NLGN4X: variants seen among roughly 807,000 people sequenced by gnomAD.
The protein encoded by NLGN4X is neuroligin 4 X-linked, also known as neuroligin-4, X-linked.
NLGN4X carries 3 observed loss-of-function variants against 40.3 expected under a neutral mutation model. The observed-to-expected ratio is 0.07, with a 90% CI of 0.03 to 0.19. The LOEUF (loss-of-function observed/expected upper bound fraction) is 0.19. Among genes scored for constraint, NLGN4X ranks in the 10% least tolerant of loss-of-function variants. The pLI is 1.00. For missense variants in NLGN4X, 382 were observed against 708.3 expected (o/e 0.54, Z 5.23); for synonymous variants, 270 against 306.8 (o/e 0.88, Z 1.25).
chrX:6,106,019 G>T (rs944433521), intron 2 of NLGN4X, among the ~76,000 whole-genome samples: 2 of 111,359 alleles, frequency 1.8e-5, no homozygotes, highest in African/African-American at 6.5e-5. Context: ...AGAGGAAGGG[G>T]ACTCAGAACT....
At chrX:6,021,135 T>A (rs1048382078) in intron 3 of NLGN4X, among the ~76,000 whole-genome samples, 1 of 97,568 alleles carries the variant, frequency 1.0e-5, no homozygotes, top group Admixed American at 1.2e-4. Context: ...TGAGACAGGG[T>A]CTCACTAGGT....
Position 6,188,554 on chromosome X carries a change from C to T in NLGN4X, c.-305-36783G>A, listed in dbSNP as rs1921941. ...TTTTTTTTAGTCGTTGATTCCCTAA[C>T]ATCTGAAGGTTATACTGTAGTTGCT... is the stretch of plus-strand genomic sequence containing the variant. On this transcript the variant is annotated intron_variant, in intron 1 of 5. Coordinates refer to ENST00000381095, the MANE Select transcript of NLGN4X (RefSeq NM_181332.3). Among the ~76,000 whole-genome samples, 885 of 109,974 alleles carry T rather than the reference C, an allele frequency of 8.0e-3. 3 individuals are homozygous for T. The highest frequency in any genetic ancestry group is 0.026 in the African/African-American group (779 of 30,202).
At position 5,890,420 on chromosome X, in the gene NLGN4X, C is replaced by T. The variant is rs145535249; in HGVS notation, c.*2397G>A. 2,054 of 247,777 alleles carry T rather than the reference C, an allele frequency of 8.3e-3. 71 individuals are homozygous for T. In the Admixed American group the frequency reaches 0.093, roughly 11 times the overall value. 20.4% of individuals were successfully genotyped at this position (247,777 alleles called of 1,213,427 possible). The stretch of plus-strand genomic sequence containing the variant: ...GTAAAAGCTAAAGTTATTCACTTAA[C>T]AGGAACTCTGTTTTTCCTTATTCAA... On this transcript the variant is annotated 3_prime_UTR_variant, in exon 6 of 6. Coordinates refer to ENST00000381095, the MANE Select transcript of NLGN4X (RefSeq NM_181332.3).
intron 5 of NLGN4X, among the ~76,000 whole-genome samples, chrX:5,899,524 T>C (rs1046273814): frequency 9.0e-6 from 1 of 111,511 alleles, no homozygotes; most frequent in African/African-American, 3.3e-5. Flanking sequence ...AACAGATTCA[T>C]GGCATTAAAA....
At chrX:5,974,394 G>T (rs146491643) in intron 3 of NLGN4X, among the ~76,000 whole-genome samples, 51 of 112,010 alleles carry the variant, frequency 4.6e-4, no homozygotes, top group African/African-American at 1.6e-3. Flanking sequence ...GGACTGAGGA[G>T]ACACTGCAGT....
At chrX:5,998,586 T>C (rs929838622) in intron 3 of NLGN4X, among the ~76,000 whole-genome samples, 1 of 111,856 alleles carries the variant, frequency 8.9e-6, no homozygotes, top group African/African-American at 3.3e-5. Flanking sequence ...TGTTAAATTG[T>C]TGGTAGAATG....
chrX:6,110,064 C>T (rs768119009), intron 2 of NLGN4X, among the ~76,000 whole-genome samples: 2 of 111,767 alleles, frequency 1.8e-5, no homozygotes, highest in East Asian at 5.7e-4. Flanking sequence ...AGCAAGGCTG[C>T]CATGTATAAT....
At chrX:5,977,789 C>T (rs931350340) in intron 3 of NLGN4X, among the ~76,000 whole-genome samples, 2 of 111,549 alleles carry the variant, frequency 1.8e-5, no homozygotes, top group African/African-American at 6.5e-5. Context: ...GTCTTCTCCT[C>T]ACTGCATAAA....
rs772075338 is a variant in NLGN4X, at chrX:6,082,947, C to T, written c.473-53515G>A. The stretch of plus-strand genomic sequence containing the variant: ...TAAAAAAAGAGATTTTGCCATGATG[C>T]GTTTTTTTCTTTTTTTTTTTTTTTT... On this transcript the variant is annotated intron_variant, in intron 2 of 5. Transcript: ENST00000381095. 5.7e-3 allele frequency among the ~76,000 whole-genome samples: 355 copies of T among 62,104 alleles called. 25 individuals are homozygous for T. Among genetic ancestry groups the T allele is most frequent in the Non-Finnish European group, 8.8e-3 (251 of 28,652 alleles). The allele number at this position is 62,104 out of a possible 115,157, so 53.9% of individuals were successfully genotyped here.
At chrX:5,971,321 C>T (rs2035014486) in intron 3 of NLGN4X, among the ~76,000 whole-genome samples, 1 of 110,589 alleles carries the variant, frequency 9.0e-6, no homozygotes, top group South Asian at 3.9e-4. Context: ...GGCAGACTGG[C>T]TACTAAATTT....
intron 3 of NLGN4X, among the ~76,000 whole-genome samples, chrX:5,943,149 A>G (rs2034003977): frequency 9.0e-6 from 1 of 111,540 alleles, no homozygotes; most frequent in African/African-American, 3.3e-5. Context: ...GGAGAGATTC[A>G]GTGCATTAGA....
At chrX:6,095,098 CGTGCGTGTGTGTGTGT>C (rs756287601) in intron 2 of NLGN4X, among the ~76,000 whole-genome samples, 3 of 22,259 alleles carry the variant, frequency 1.3e-4, no homozygotes, top group Non-Finnish European at 2.4e-4. Context: ...TAAGTACGTG[CGTGCGTGTGTGTGTGT>C]GTGTGTGTGT....
At chrX:6,123,111 G>T (rs2039460903) in intron 2 of NLGN4X, among the ~76,000 whole-genome samples, 1 of 110,878 alleles carries the variant, frequency 9.0e-6, no homozygotes, top group African/African-American at 3.3e-5. Flanking sequence ...GAAAAAAAAA[G>T]GCTTAAAAGT....
At chrX:6,020,686 A>C (rs1377940208) in intron 3 of NLGN4X, among the ~76,000 whole-genome samples, 3 of 112,311 alleles carry the variant, frequency 2.7e-5, no homozygotes, top group Non-Finnish European at 3.8e-5. Flanking sequence ...TACATATTTC[A>C]AAACATCACT....
At chrX:5,902,962 GTGTA>G in intron 5 of NLGN4X, 111 bp downstream of exon 5, 1 of 805,254 alleles carries the variant, frequency 1.2e-6, no homozygotes, top group African/African-American at 2.0e-5. Flanking sequence ...GTGCATGCAT[GTGTA>G]TGTGTGTGTA....
At chrX:6,069,575 A>G (rs993147307) in intron 2 of NLGN4X, among the ~76,000 whole-genome samples, 1 of 112,509 alleles carries the variant, frequency 8.9e-6, no homozygotes, top group African/African-American at 3.2e-5. Context: ...AAGATCTAAT[A>G]GCTCATCCAG....
At chrX:6,001,428 C>T (rs2035966697) in intron 3 of NLGN4X, among the ~76,000 whole-genome samples, 1 of 112,149 alleles carries the variant, frequency 8.9e-6, no homozygotes, top group African/African-American at 3.2e-5. Context: ...ATTTAAATTA[C>T]TTCTTGTGAT....
At chrX:6,016,721 T>C (rs2036405342) in intron 3 of NLGN4X, among the ~76,000 whole-genome samples, 1 of 111,692 alleles carries the variant, frequency 9.0e-6, no homozygotes, top group Admixed American at 9.6e-5. Context: ...ATGATCCCAA[T>C]GTCTAGCAAC....
intron 2 of NLGN4X, among the ~76,000 whole-genome samples, chrX:6,146,939 C>T (rs965865152): frequency 2.4e-4 from 26 of 109,902 alleles, no homozygotes; most frequent in Non-Finnish European, 4.9e-4. Context: ...TACAGGCGCA[C>T]ACCACCATGC....
Sources: gnomAD v4.1 joint callset for allele counts (sites outside exome capture counted in the v4.1 genomes callset) on GRCh38, gnomAD v4.1.1 for gene constraint, MANE v1.5 for transcripts, NCBI Gene and HGNC (gene_info 2026-07-23, HGNC 2026-07-21) for gene names.